The following DENND5B variants were observed in gnomAD, a reference collection of about 807,000 sequenced individuals.
DENND5B encodes DENN domain containing 5B.
A neutral mutation model predicts 140.6 loss-of-function variants in DENND5B; 34 were observed. That is an observed-to-expected ratio of 0.24 (90% CI 0.18 to 0.32). DENND5B has a LOEUF of 0.32. Among genes scored for constraint, DENND5B ranks in the 10% least tolerant of loss-of-function variants. DENND5B has a pLI of 1.00. For missense variants in DENND5B, 1,142 were observed against 1,560.2 expected, an observed-to-expected ratio of 0.73 and a Z score of 4.52; for synonymous variants, 551 against 562.1, an observed-to-expected ratio of 0.98 and a Z score of 0.28.
intron 1 of DENND5B, among the ~76,000 whole-genome samples, chr12:31,547,181 T>TACATAC (rs1161320607): frequency 6.6e-6 from 1 of 152,236 alleles, no homozygotes; most frequent in East Asian, 1.9e-4. Context: ...TTCTTTTTTT[T>TACATAC]ACATACACAT....
At chr12:31,527,752 T>C (rs1275248950) in intron 1 of DENND5B, among the ~76,000 whole-genome samples, 2 of 152,010 alleles carry the variant, frequency 1.3e-5, no homozygotes, top group Non-Finnish European at 1.5e-5. Flanking sequence ...CACTCTAGCC[T>C]GCGTGACAGA....
chr12:31,529,563 G>A (rs1029697959), intron 1 of DENND5B, among the ~76,000 whole-genome samples: 2 of 152,188 alleles, frequency 1.3e-5, no homozygotes, highest in East Asian at 1.9e-4. Flanking sequence ...GGCTGGGCAC[G>A]GTGGCTCACA....
At chr12:31,468,643 C>CAA (rs200869960) in intron 3 of DENND5B, among the ~76,000 whole-genome samples, 1 of 144,740 alleles carries the variant, frequency 6.9e-6, no homozygotes, top group African/African-American at 2.6e-5. Context: ...CCTGTCATTT[C>CAA]AAAAAATAAA....
intron 1 of DENND5B, among the ~76,000 whole-genome samples, chr12:31,499,186 T>G (rs993207388): frequency 1.3e-4 from 20 of 152,118 alleles, no homozygotes; most frequent in African/African-American, 4.8e-4. Context: ...AGAATTTGGA[T>G]TCCCAGGAAA....
At chr12:31,415,687 G>A (rs1268727629) in intron 11 of DENND5B, among the ~76,000 whole-genome samples, 3 of 152,042 alleles carry the variant, frequency 2.0e-5, no homozygotes, top group South Asian at 4.1e-4. Flanking sequence ...GGGCTCAAGC[G>A]ATCCTCCCAA....
Position 31,590,846 on chromosome 12 carries a change from C to T in DENND5B, c.-14G>A, listed in dbSNP as rs1479139004. The T allele has an allele frequency of 2.5e-6, 3 of 1,213,030 alleles. No homozygotes were observed. Among genetic ancestry groups the T allele is most frequent in the South Asian group, 4.0e-5 (1 of 25,234 alleles). The allele number at this position is 1,213,030 out of a possible 1,614,324, so 75.1% of individuals were successfully genotyped here. A position where few individuals can be genotyped will look rare whatever the true frequency, so the allele number is the denominator to read the frequency against. ...GCTCCCGCTCATCCCGGCCGCGCTG[C>T]TCCAGGGGCCGCCGCCGCCGCCGCC... On this transcript the variant is annotated 5_prime_UTR_variant, in exon 1 of 21. Coordinates refer to ENST00000389082, the MANE Select transcript of DENND5B (RefSeq NM_144973.4).
At chr12:31,449,265 C>T (rs1245222638) in intron 5 of DENND5B, among the ~76,000 whole-genome samples, 2 of 152,174 alleles carry the variant, frequency 1.3e-5, no homozygotes, top group African/African-American at 4.8e-5. Context: ...AGGAGGTCTT[C>T]TTAAAATTTC....
chr12:31,540,569 G>T (rs577651420), intron 1 of DENND5B, among the ~76,000 whole-genome samples: 49 of 151,962 alleles, frequency 3.2e-4, no homozygotes, highest in African/African-American at 9.7e-4. Context: ...CACAAGAATC[G>T]CTTGAACCTG....
At chr12:31,402,832 G>T (rs1021416145) in intron 14 of DENND5B, among the ~76,000 whole-genome samples, 189 bp from the exon 15 acceptor site, 7 of 152,060 alleles carry the variant, frequency 4.6e-5, no homozygotes, top group African/African-American at 1.7e-4. Context: ...TTGCAAACCA[G>T]AAGTCTCAAT....
chr12:31,551,439 C>T (rs1028082441), intron 1 of DENND5B, among the ~76,000 whole-genome samples: 4 of 152,064 alleles, frequency 2.6e-5, no homozygotes, highest in African/African-American at 7.2e-5. Flanking sequence ...TTTTGGTACC[C>T]GTACCATGCT....
At chr12:31,455,118 C>A (rs1025627909) in intron 4 of DENND5B, among the ~76,000 whole-genome samples, 5 of 152,098 alleles carry the variant, frequency 3.3e-5, no homozygotes, top group Admixed American at 3.3e-4. Context: ...CCGCGCCCGG[C>A]CAATTCAGTA....
At chr12:31,481,428 A>C (rs1946063042) in intron 2 of DENND5B, among the ~76,000 whole-genome samples, 1 of 152,240 alleles carries the variant, frequency 6.6e-6, no homozygotes, top group African/African-American at 2.4e-5. Context: ...TAAAAATCAT[A>C]AACTATAAAG....
intron 1 of DENND5B, among the ~76,000 whole-genome samples, chr12:31,528,561 C>G (rs992570642): frequency 6.6e-6 from 1 of 152,112 alleles, no homozygotes; most frequent in Non-Finnish European, 1.5e-5. Context: ...TATTTGAATT[C>G]TGGATATATT....
intron 3 of DENND5B, among the ~76,000 whole-genome samples, chr12:31,476,372 C>T: frequency 6.6e-6 from 1 of 150,696 alleles, no homozygotes; most frequent in East Asian, 1.9e-4. Context: ...ACTAATAAAA[C>T]TAGTAATTAT....
intron 1 of DENND5B, among the ~76,000 whole-genome samples, chr12:31,583,784 T>G (rs1455379570): frequency 6.6e-6 from 1 of 152,228 alleles, no homozygotes; most frequent in Non-Finnish European, 1.5e-5. Flanking sequence ...TTTTACTATT[T>G]CATCACAGAT....
At chr12:31,451,183 A>AAGAG (rs1206055086) in intron 5 of DENND5B, among the ~76,000 whole-genome samples, 5 of 152,188 alleles carry the variant, frequency 3.3e-5, no homozygotes, top group Admixed American at 1.3e-4. Context: ...AGACTAAATA[A>AAGAG]ATAGATTTCT....
At chr12:31,480,779 T>A (rs554503160) in intron 2 of DENND5B, among the ~76,000 whole-genome samples, 30 of 152,338 alleles carry the variant, frequency 2.0e-4, no homozygotes, top group African/African-American at 7.2e-4. Flanking sequence ...AACAGTGTCA[T>A]CTTTGCTATT....
intron 17 of DENND5B, among the ~76,000 whole-genome samples, chr12:31,394,973 T>C (rs1217710085): frequency 6.6e-6 from 1 of 152,132 alleles, no homozygotes; most frequent in Admixed American, 6.6e-5. Flanking sequence ...AATGATCTAC[T>C]TTCTATTATT....
At chr12:31,558,543 T>A (rs1281847574) in intron 1 of DENND5B, among the ~76,000 whole-genome samples, 1 of 152,242 alleles carries the variant, frequency 6.6e-6, no homozygotes, top group Non-Finnish European at 1.5e-5. Flanking sequence ...TACCCAGGTA[T>A]CACAAACTTA....
Sources: gnomAD v4.1 joint callset for allele counts (sites outside exome capture counted in the v4.1 genomes callset) on GRCh38, gnomAD v4.1.1 for gene constraint, MANE v1.5 for transcripts, NCBI Gene and HGNC (gene_info 2026-07-23, HGNC 2026-07-21) for gene names.